ERBB4: variants seen among roughly 807,000 people sequenced by gnomAD.
ERBB4 encodes receptor tyrosine-protein kinase erbB-4.
A neutral mutation model predicts 158.0 loss-of-function variants in ERBB4; 42 were observed. The observed-to-expected ratio is 0.27, with a 90% confidence interval of 0.21 to 0.34. The LOEUF (loss-of-function observed/expected upper bound fraction) is 0.34. Among genes scored for constraint, ERBB4 ranks in the 10% least tolerant of loss-of-function variants. The pLI is 1.00. For synonymous variants in ERBB4, 583 were observed against 558.7 expected (o/e 1.04, Z -0.61); for missense variants, 1,333 against 1,624.1 (o/e 0.82, Z 3.08).
At chr2:212,036,753 C>T (rs2077023804) in intron 2 of ERBB4, among the ~76,000 whole-genome samples, 2 of 152,100 alleles carry the variant, frequency 1.3e-5, no homozygotes, top group South Asian at 2.1e-4. Context: ...CGTGAGCCAC[C>T]GCATGCCCGG....
At chr2:211,464,363 G>C (rs1296058276) in intron 20 of ERBB4, among the ~76,000 whole-genome samples, 1 of 152,104 alleles carries the variant, frequency 6.6e-6, no homozygotes, top group Non-Finnish European at 1.5e-5. Flanking sequence ...CCAAACAGTT[G>C]GGGTATTTTC....
intron 20 of ERBB4, among the ~76,000 whole-genome samples, chr2:211,550,815 T>G (rs1185449111): frequency 6.6e-6 from 1 of 150,898 alleles, no homozygotes; most frequent in African/African-American, 2.4e-5. Context: ...AATCAATTAA[T>G]TGTTCCTGGT....
chr2:211,969,140 G>T (rs1232195040), intron 2 of ERBB4, among the ~76,000 whole-genome samples: 5 of 151,872 alleles, frequency 3.3e-5, no homozygotes, highest in African/African-American at 9.7e-5. Flanking sequence ...ATAAACATGA[G>T]CATTTTTAAA....
chr2:211,709,532 T>TG (rs1202649421), intron 9 of ERBB4, among the ~76,000 whole-genome samples: 3 of 151,958 alleles, frequency 2.0e-5, no homozygotes, highest in African/African-American at 4.8e-5. Context: ...TGTTTCTCAA[T>TG]GGGGGCAGCA....
intron 3 of ERBB4, among the ~76,000 whole-genome samples, chr2:211,807,145 A>ATT (rs1000849925): frequency 1.3e-5 from 2 of 150,634 alleles, no homozygotes; most frequent in African/African-American, 2.4e-5. Flanking sequence ...GAGACTGTTG[A>ATT]TTTTTTTTTT....
intron 1 of ERBB4, among the ~76,000 whole-genome samples, chr2:212,140,169 T>TAAA (rs1302659711): frequency 1.3e-5 from 2 of 151,308 alleles, no homozygotes; most frequent in East Asian, 3.9e-4. Flanking sequence ...ATTGTTCTGG[T>TAAA]CTCAAAAACT....
At chr2:212,375,226 A>G (rs145211231) in intron 1 of ERBB4, among the ~76,000 whole-genome samples, 93 of 152,212 alleles carry the variant, frequency 6.1e-4, no homozygotes, top group Non-Finnish European at 1.2e-3. Flanking sequence ...GAAATCCCCC[A>G]AAGTTTAGGT....
chr2:211,535,589 A>ATGTATGTGTGTGTGTG (rs1553561683), intron 20 of ERBB4: 1 of 144,732 alleles, frequency 6.9e-6, no homozygotes, highest in African/African-American at 2.5e-5. Flanking sequence ...GAGAGAGTGT[A>ATGTATGTGTGTGTGTG]TGTGTGTGTG....
intron 1 of ERBB4, among the ~76,000 whole-genome samples, chr2:212,306,251 T>C: frequency 6.6e-6 from 1 of 151,500 alleles, no homozygotes; most frequent in East Asian, 2.0e-4. Context: ...GCACTTGACA[T>C]TTCTAATTCA....
At chr2:212,007,885 T>C (rs1303994553) in intron 2 of ERBB4, among the ~76,000 whole-genome samples, 2 of 152,020 alleles carry the variant, frequency 1.3e-5, no homozygotes, top group African/African-American at 4.8e-5. Context: ...GTCTTCCTTA[T>C]TCAAGAAAAT....
chr2:212,453,214 A>C (rs756205116), intron 1 of ERBB4, among the ~76,000 whole-genome samples: 1 of 152,182 alleles, frequency 6.6e-6, no homozygotes, highest in African/African-American at 2.4e-5. Context: ...GTTGCTTCTT[A>C]TATCTTCCCC....
At chr2:211,783,902 T>C (rs2106308153) in intron 4 of ERBB4, among the ~76,000 whole-genome samples, 1 of 152,286 alleles carries the variant, frequency 6.6e-6, no homozygotes, top group African/African-American at 2.4e-5. Context: ...TTAGGGAGGA[T>C]TCCCTCTTTT....
chr2:211,432,647 GAA>G, intron 20 of ERBB4, among the ~76,000 whole-genome samples: 1 of 150,204 alleles, frequency 6.7e-6, no homozygotes, highest in East Asian at 1.9e-4. Flanking sequence ...CTTGGAGATA[GAA>G]TATTTTCATA....
intron 1 of ERBB4, among the ~76,000 whole-genome samples, chr2:212,144,892 A>G (rs2080612943): frequency 6.6e-6 from 1 of 152,202 alleles, no homozygotes; most frequent in African/African-American, 2.4e-5. Flanking sequence ...TAGACTGAAT[A>G]TATCTTAAAA....
At chr2:212,097,931 C>T (rs911409941) in intron 2 of ERBB4, among the ~76,000 whole-genome samples, 1 of 152,108 alleles carries the variant, frequency 6.6e-6, no homozygotes, top group Non-Finnish European at 1.5e-5. Flanking sequence ...GGGGTCTTGA[C>T]TTCGAACATA....
chr2:212,310,719 T>C (rs1379576598), intron 1 of ERBB4, among the ~76,000 whole-genome samples: 2 of 150,454 alleles, frequency 1.3e-5, no homozygotes, highest in Non-Finnish European at 3.0e-5. Flanking sequence ...AAAAATATTT[T>C]ATTTTCCAAA....
At chr2:212,478,842 C>A (rs1689539957) in intron 1 of ERBB4, among the ~76,000 whole-genome samples, 1 of 152,074 alleles carries the variant, frequency 6.6e-6, no homozygotes, top group Non-Finnish European at 1.5e-5. Flanking sequence ...GTCAGAGACT[C>A]TGCATCTCTC....
intron 5 of ERBB4, among the ~76,000 whole-genome samples, chr2:211,732,427 A>G (rs1461267188): frequency 6.6e-6 from 1 of 152,174 alleles, no homozygotes; most frequent in Non-Finnish European, 1.5e-5. Flanking sequence ...AATGACCACA[A>G]TCATACACAT....
At chr2:212,220,777 A>G (rs1360981660) in intron 1 of ERBB4, among the ~76,000 whole-genome samples, 1 of 151,436 alleles carries the variant, frequency 6.6e-6, no homozygotes, top group Non-Finnish European at 1.5e-5. Context: ...ACCAAGCTAT[A>G]TCTCCCAATG....
Sources: gnomAD v4.1 joint callset for allele counts (sites outside exome capture counted in the v4.1 genomes callset) on GRCh38, gnomAD v4.1.1 for gene constraint, MANE v1.5 for transcripts, NCBI Gene and HGNC (gene_info 2026-07-23, HGNC 2026-07-21) for gene names.